GPX6: variants seen among roughly 807,000 people sequenced by gnomAD.
GPX6 encodes the protein glutathione peroxidase 6.
Under a neutral mutation model 20.0 loss-of-function variants are expected in GPX6, and 21 were observed. The ratio of observed to expected loss-of-function variants is 1.05; its 90% CI spans 0.74 to 1.51. GPX6 has a LOEUF of 1.51. Among genes scored for constraint, GPX6 ranks in the 40% most tolerant of loss-of-function variants. The pLI is 0.00. For missense variants in GPX6, 233 were observed against 254.7 expected (o/e 0.91, Z 0.58); for synonymous variants, 75 against 98.0 (o/e 0.77, Z 1.38).
At chr6:28,514,030 T>G (rs73740966) in intron 1 of GPX6, among the ~76,000 whole-genome samples, 2,722 of 152,346 alleles carry the variant, frequency 0.018, 73 homozygotes, top group African/African-American at 0.055. Context: ...AGAAACCCAC[T>G]ATGATGGAGT....
intron 1 of GPX6, among the ~76,000 whole-genome samples, chr6:28,511,639 G>C (rs542372738): frequency 6.6e-6 from 1 of 152,404 alleles, no homozygotes; most frequent in African/African-American, 2.4e-5. Flanking sequence ...TGGACGTGGA[G>C]AGCAATGCAC....
chr6:28,508,807 A>G (rs1338150094), intron 2 of GPX6, among the ~76,000 whole-genome samples: 1 of 152,154 alleles, frequency 6.6e-6, no homozygotes, highest in African/African-American at 2.4e-5. Context: ...ACCCTGTCTC[A>G]AAAATAATAG....
chr6:28,504,211 G>A lies in GPX6; in HGVS notation c.*81C>T. 7.1e-7 allele frequency: 1 copy of A among 1,409,244 alleles called. No individual in the cohort carries two copies. Among genetic ancestry groups the A allele is most frequent in the South Asian group, 1.2e-5 (1 of 82,374 alleles). The allele number at this position is 1,409,244 out of a possible 1,614,324, so 87.3% of individuals were successfully genotyped here. A position where few individuals can be genotyped will look rare whatever the true frequency, so the allele number is the denominator to read the frequency against. On this transcript the variant is annotated 3_prime_UTR_variant, in exon 5 of 5. Transcript: ENST00000361902. ...TGGGTAGGCACGAGTGTGGAGCAAA[G>A]AAGGAGGAAGATGGATGCTTTGTTA...
At chr6:28,511,189 G>A (rs1407199151) in intron 1 of GPX6, among the ~76,000 whole-genome samples, 1 of 152,150 alleles carries the variant, frequency 6.6e-6, no homozygotes, top group Non-Finnish European at 1.5e-5. Flanking sequence ...CCCTGACACT[G>A]CATTCTCCCC....
intron 1 of GPX6, among the ~76,000 whole-genome samples, chr6:28,512,869 C>G (rs557015632): frequency 1.3e-5 from 2 of 152,034 alleles, no homozygotes; most frequent in Non-Finnish European, 2.9e-5. Context: ...TGCAGCTTCA[C>G]TCTTGAGCCT....
rs1286636626 is a variant in GPX6 at position 28,504,103 on chromosome 6, C to T, written c.*189G>A. The T allele has an allele frequency of 5.8e-6, 3 of 513,510 alleles. No individual in the cohort carries two copies. The highest frequency in any genetic ancestry group is 1.1e-5 in the Non-Finnish European group (3 of 276,256). The allele number at this position is 513,510 out of a possible 1,614,324, so 31.8% of individuals were successfully genotyped here. A position where few individuals can be genotyped will look rare whatever the true frequency, so the allele number is the denominator to read the frequency against. On this transcript the variant is annotated 3_prime_UTR_variant, in exon 5 of 5. Coordinates refer to ENST00000361902, the MANE Select transcript of GPX6 (RefSeq NM_182701.1). ...AAATACAATTCTACATATCCATACA[C>T]ACACACACACACACACACACAGCTA...
chr6:28,506,599 C>T (rs1278855950), intron 2 of GPX6, among the ~76,000 whole-genome samples, 170 bp from the exon 3 acceptor site: 10 of 151,482 alleles, frequency 6.6e-5, no homozygotes. Context: ...AAGACTAGAG[C>T]ACACGTTTCC....
intron 1 of GPX6, among the ~76,000 whole-genome samples, chr6:28,514,172 T>C (rs1020658869): frequency 6.6e-6 from 1 of 152,234 alleles, no homozygotes; most frequent in Non-Finnish European, 1.5e-5. Context: ...CTGTCATTTG[T>C]ATGCCTCCAT....
chr6:28,512,626 G>C (rs1339658965), intron 1 of GPX6, among the ~76,000 whole-genome samples: 1 of 152,352 alleles, frequency 6.6e-6, no homozygotes, highest in Non-Finnish European at 1.5e-5. Flanking sequence ...GGAGCCAGCA[G>C]TGGCAGCCCC....
At chr6:28,507,896 C>T (rs1464918893) in intron 2 of GPX6, among the ~76,000 whole-genome samples, 1 of 152,174 alleles carries the variant, frequency 6.6e-6, no homozygotes, top group African/African-American at 2.4e-5. Flanking sequence ...ACTCCTGTCC[C>T]CACTGTATGT....
intron 1 of GPX6, among the ~76,000 whole-genome samples, chr6:28,513,508 T>C (rs920867068): frequency 2.6e-5 from 4 of 152,210 alleles, no homozygotes; most frequent in Non-Finnish European, 5.9e-5. Context: ...AGGGAACTTT[T>C]CCGGTTTCGC....
intron 2 of GPX6, among the ~76,000 whole-genome samples, chr6:28,507,563 C>T (rs1436333250): frequency 6.6e-6 from 1 of 152,138 alleles, no homozygotes; most frequent in East Asian, 1.9e-4. Context: ...AGGAAGCTCA[C>T]CATGTTTTTT....
intron 2 of GPX6, among the ~76,000 whole-genome samples, chr6:28,508,578 G>A (rs1246685643): frequency 6.6e-6 from 1 of 151,872 alleles, no homozygotes; most frequent in African/African-American, 2.4e-5. Flanking sequence ...GATTGAAGCA[G>A]TTGGATCACT....
chr6:28,510,035 A>T (rs1012524235), intron 2 of GPX6, among the ~76,000 whole-genome samples: 1 of 152,268 alleles, frequency 6.6e-6, no homozygotes, highest in Non-Finnish European at 1.5e-5. Flanking sequence ...CCTGGGAGTC[A>T]CAGCTAGGCT....
chr6:28,504,386 T>A lies in GPX6; in HGVS notation c.572A>T (p.Asp191Val). Residue 191 changes from aspartate (D) to valine (V), a missense_variant, in exon 5 of 5, where the codon GAT becomes GTT. By Grantham distance (152) the Asp-to-Val change is radical. Transcript: ENST00000361902. ...GAACCAATGCATGACAGGGACTCCA[T>A]CGGGCCCCACCAGAAATTTCTCAAA... ...WNFEKFLVGPDGVPVMHWFHQ... is the reference protein window; with the variant it reads ...WNFEKFLVGPVGVPVMHWFHQ... The A allele has an allele frequency of 6.2e-7, 1 of 1,614,154 alleles. No individual in the cohort carries two copies. Among genetic ancestry groups the A allele is most frequent in the Non-Finnish European group, 8.5e-7 (1 of 1,180,026 alleles).
chr6:28,513,942 G>A (rs2113611293), intron 1 of GPX6, among the ~76,000 whole-genome samples: 1 of 152,242 alleles, frequency 6.6e-6, no homozygotes, highest in Middle Eastern at 3.4e-3. Flanking sequence ...TTGACCAAGG[G>A]GCAAGCCCTT....
chr6:28,506,266 T>G (rs1161467086), intron 3 of GPX6, 46 bp downstream of exon 3: 1 of 1,139,444 alleles, frequency 8.8e-7, no homozygotes, highest in African/African-American at 1.5e-5. Context: ...GAATGAGGAA[T>G]GGAAATCCCG....
chr6:28,505,680 A>G (rs1423669186), intron 4 of GPX6, 23 bp downstream of exon 4: 1 of 1,580,506 alleles, frequency 6.3e-7, no homozygotes, highest in Non-Finnish European at 8.7e-7. Context: ...TAACCCATCC[A>G]TGCCAGGTTT....
At position 28,515,768 on chromosome 6, in the gene GPX6, A is replaced by G; in HGVS notation, c.-25T>C. The G allele has an allele frequency of 6.3e-7, 1 of 1,591,352 alleles. No homozygotes were observed. Among genetic ancestry groups the G allele is most frequent in the East Asian group, 2.2e-5 (1 of 44,720 alleles). ...TGGCTAGGAGTTTTAGACGACTCTG[A>G]GGTCCCCAGGATTTCAGCCCCTTTT... On this transcript the variant is annotated 5_prime_UTR_variant, in exon 1 of 5. Transcript: ENST00000361902.
Sources: allele counts gnomAD v4.1 joint callset (sites outside exome capture counted in the v4.1 genomes callset), GRCh38; gene constraint gnomAD v4.1.1; transcripts MANE v1.5; gene names NCBI Gene and HGNC (gene_info 2026-07-23, HGNC 2026-07-21).